The following CSMD1 variants were observed in gnomAD, a reference collection of about 807,000 sequenced individuals.
CSMD1 encodes the protein CUB and Sushi multiple domains 1.
CSMD1 carries 213 observed loss-of-function variants against 417.5 expected under a neutral mutation model. The observed-to-expected ratio is 0.51, with a 90% CI of 0.46 to 0.57. The LOEUF is 0.57. CSMD1 is among the 20% of genes least tolerant of loss of function. The pLI is 0.00. For synonymous variants in CSMD1, 2,862 were observed against 1,736.8 expected, an observed-to-expected ratio of 1.65 and a Z score of -16.11; for missense variants, 6,923 against 4,529.7, an observed-to-expected ratio of 1.53 and a Z score of -15.17.
intron 1 of CSMD1, among the ~76,000 whole-genome samples, chr8:4,950,379 T>A (rs1013875763): frequency 1.1e-4 from 16 of 152,088 alleles, no homozygotes; most frequent in Non-Finnish European, 2.9e-5. Context: ...GAGGGTTAAT[T>A]CATAGGACAA....
chr8:3,999,703 C>A (rs74956545), intron 4 of CSMD1, among the ~76,000 whole-genome samples: 4 of 152,248 alleles, frequency 2.6e-5, no homozygotes, highest in African/African-American at 9.6e-5. Flanking sequence ...CTGTTTATGT[C>A]AACTAATGCT....
intron 3 of CSMD1, among the ~76,000 whole-genome samples, chr8:4,178,198 C>G (rs1002204877): frequency 1.3e-5 from 2 of 152,096 alleles, no homozygotes; most frequent in African/African-American, 2.4e-5. Flanking sequence ...ACTGGCAGAC[C>G]GAATCCAGCA....
chr8:3,511,287 G>C (rs1202140817), intron 10 of CSMD1, among the ~76,000 whole-genome samples: 1 of 151,638 alleles, frequency 6.6e-6, no homozygotes, highest in Non-Finnish European at 1.5e-5. Context: ...GTAGATGACA[G>C]GTTGATGGAT....
intron 5 of CSMD1, among the ~76,000 whole-genome samples, chr8:3,761,872 G>A (rs536929111): frequency 1.4e-3 from 220 of 152,040 alleles, no homozygotes; most frequent in Non-Finnish European, 2.4e-3. Flanking sequence ...CTCTGGCAAA[G>A]GCCTTCTCTC....
intron 1 of CSMD1, among the ~76,000 whole-genome samples, chr8:4,859,232 G>T (rs1801986311): frequency 6.6e-6 from 1 of 151,832 alleles, no homozygotes; most frequent in Non-Finnish European, 1.5e-5. Context: ...GCTGAAACTG[G>T]ATCCCTTCCT....
intron 3 of CSMD1, among the ~76,000 whole-genome samples, chr8:4,268,259 C>G (rs11985095): frequency 1.2e-4 from 18 of 152,248 alleles, no homozygotes; most frequent in Admixed American, 4.6e-4. Flanking sequence ...CATTCAAATA[C>G]TAATTGAGTT....
chr8:4,528,690 T>A (rs868775199), intron 2 of CSMD1, among the ~76,000 whole-genome samples: 6 of 152,162 alleles, frequency 3.9e-5, no homozygotes, highest in South Asian at 4.1e-4. Context: ...AACTCTCCAA[T>A]GTATATATTA....
chr8:4,847,477 A>G (rs899698394), intron 1 of CSMD1, among the ~76,000 whole-genome samples: 7 of 152,104 alleles, frequency 4.6e-5, no homozygotes, highest in African/African-American at 1.4e-4. Flanking sequence ...TACACCTAAT[A>G]CCCGACTACC....
intron 1 of CSMD1, among the ~76,000 whole-genome samples, chr8:4,924,650 A>C (rs754019997): frequency 8.2e-6 from 1 of 121,302 alleles, no homozygotes; most frequent in Non-Finnish European, 1.6e-5. Flanking sequence ...TGAAACTGGG[A>C]GGTGGAGGTT....
chr8:3,724,595 G>T (rs1380490436), intron 6 of CSMD1, among the ~76,000 whole-genome samples: 1 of 152,086 alleles, frequency 6.6e-6, no homozygotes, highest in African/African-American at 2.4e-5. Flanking sequence ...ATTAGGGAGG[G>T]GGAATGAGAA....
chr8:4,970,709 G>A (rs902039136), intron 1 of CSMD1, among the ~76,000 whole-genome samples: 52 of 151,966 alleles, frequency 3.4e-4, no homozygotes, highest in African/African-American at 1.2e-3. Context: ...CTTAACTCAG[G>A]ACGTGGATTC....
chr8:4,564,977 T>A (rs1798521493), intron 2 of CSMD1, among the ~76,000 whole-genome samples: 1 of 152,156 alleles, frequency 6.6e-6, no homozygotes, highest in Non-Finnish European at 1.5e-5. Context: ...GTGGGTGCCT[T>A]GGCATGGGGA....
chr8:4,202,618 G>A (rs1357227692), intron 3 of CSMD1, among the ~76,000 whole-genome samples: 1 of 152,136 alleles, frequency 6.6e-6, no homozygotes, highest in Admixed American at 6.5e-5. Context: ...TGAGTATCAT[G>A]GTGGATATTG....
chr8:3,760,544 G>A (rs558141836), intron 5 of CSMD1, among the ~76,000 whole-genome samples: 14 of 152,214 alleles, frequency 9.2e-5, no homozygotes, highest in African/African-American at 3.1e-4. Context: ...ACTTTTCTCC[G>A]ATGGGATATA....
intron 5 of CSMD1, among the ~76,000 whole-genome samples, chr8:3,981,236 C>G (rs866955464): frequency 1.6e-4 from 25 of 152,260 alleles, no homozygotes; most frequent in Middle Eastern, 3.4e-3. Context: ...AGTGAAGTAA[C>G]TCAGGCGTTG....
chr8:3,609,599 AG>A, intron 8 of CSMD1, among the ~76,000 whole-genome samples: 1 of 152,270 alleles, frequency 6.6e-6, no homozygotes, highest in South Asian at 2.1e-4. Flanking sequence ...AGCCTAAAAA[AG>A]TGAACTCTTT....
intron 8 of CSMD1, among the ~76,000 whole-genome samples, chr8:3,600,492 G>A (rs1224523441): frequency 6.6e-6 from 1 of 152,112 alleles, no homozygotes; most frequent in Non-Finnish European, 1.5e-5. Context: ...ATTGGAAAAG[G>A]GACGCCAAGT....
At chr8:3,620,055 C>T (rs1809450) in intron 7 of CSMD1, among the ~76,000 whole-genome samples, 102,094 of 151,970 alleles carry the variant, frequency 0.67, 34,600 homozygotes, top group African/African-American at 0.75. Flanking sequence ...TGAGCTGAGA[C>T]TGTGCCCCTG....
chr8:4,402,967 C>T (rs982245268), intron 3 of CSMD1, among the ~76,000 whole-genome samples: 1 of 151,684 alleles, frequency 6.6e-6, no homozygotes, highest in Non-Finnish European at 1.5e-5. Flanking sequence ...CTACAGGTAC[C>T]TGCCACCATG....
Sources: allele counts gnomAD v4.1 joint callset (sites outside exome capture counted in the v4.1 genomes callset), GRCh38; gene constraint gnomAD v4.1.1; transcripts MANE v1.5; gene names NCBI Gene and HGNC (gene_info 2026-07-23, HGNC 2026-07-21).